ITFG1: variants seen among roughly 807,000 people sequenced by gnomAD.
The protein encoded by ITFG1 is T-cell immunomodulatory protein.
A neutral mutation model predicts 81.8 loss-of-function variants in ITFG1; 34 were observed. The observed-to-expected ratio is 0.42, with a 90% CI of 0.32 to 0.55. The LOEUF is 0.55. Among genes scored for constraint, ITFG1 ranks in the 20% least tolerant of loss-of-function variants. ITFG1 has a pLI of 0.17. For missense variants in ITFG1, 672 were observed against 755.4 expected (o/e 0.89, Z 1.29); for synonymous variants, 285 against 270.6 (o/e 1.05, Z -0.52).
intron 2 of ITFG1, among the ~76,000 whole-genome samples, chr16:47,458,059 G>C (rs1382038195): frequency 6.6e-6 from 1 of 152,202 alleles, no homozygotes; most frequent in Non-Finnish European, 1.5e-5. Flanking sequence ...TTCCTAAGTA[G>C]TCTTTAATCT....
At chr16:47,440,947 A>T (rs1294664548) in intron 5 of ITFG1, among the ~76,000 whole-genome samples, 1 of 152,336 alleles carries the variant, frequency 6.6e-6, no homozygotes, top group East Asian at 1.9e-4. Flanking sequence ...TAGCAAGACT[A>T]ATAAAGAAGA....
At chr16:47,207,095 T>A (rs960083100) in intron 14 of ITFG1, among the ~76,000 whole-genome samples, 2 of 152,366 alleles carry the variant, frequency 1.3e-5, no homozygotes, top group East Asian at 1.9e-4. Flanking sequence ...ATTTTATTTT[T>A]TTTTTGAGAC....
chr16:47,373,328 G>A (rs1463117364), intron 7 of ITFG1, among the ~76,000 whole-genome samples: 1 of 151,922 alleles, frequency 6.6e-6, no homozygotes, highest in Non-Finnish European at 1.5e-5. Flanking sequence ...TGTCGCCCAG[G>A]CTGGAGTGCA....
rs1965991598 is a variant in ITFG1, at chr16:47,245,614, T to C, written c.1331-7606A>G. Among the ~76,000 whole-genome samples the C allele has an allele frequency of 3.3e-5, 5 of 152,302 alleles. No homozygotes were observed. The South Asian group carries it at 1.0e-3, about 32-fold the overall frequency. On this transcript the variant is annotated intron_variant, in intron 12 of 17. Coordinates refer to ENST00000320640, the MANE Select transcript of ITFG1 (RefSeq NM_030790.5). ...CACATCTCTGACAATTTCCTTGGAA[T>C]AAATGTATAGAACAGAATTTCTGGG...
rs370897829 is a variant in ITFG1 at position 47,311,257 on chromosome 16, T to C, written c.1053A>G (p.Leu351=). ...TTCCTTACCTTCCAGATGTGTTCTTTAGTATGACCAGAGCGTCTGGATAGC... is the reference window on the plus strand; with the variant it reads ...TTCCTTACCTTCCAGATGTGTTCTTCAGTATGACCAGAGCGTCTGGATAGC... ...MDGYPDALVI[L]KNTSGSNQQA... The change falls in exon 10 of 18, where the codon CTA becomes CTG. Residue 351 remains leucine (L), a synonymous_variant. Coordinates refer to ENST00000320640, the MANE Select transcript of ITFG1 (RefSeq NM_030790.5). 2.5e-6 allele frequency: 4 copies of C among 1,608,122 alleles called. No homozygotes were observed. Among genetic ancestry groups the C allele is most frequent in the Non-Finnish European group, 3.4e-6 (4 of 1,177,236 alleles).
At chr16:47,290,280 C>T (rs992202002) in intron 10 of ITFG1, among the ~76,000 whole-genome samples, 2 of 152,084 alleles carry the variant, frequency 1.3e-5, no homozygotes, top group African/African-American at 2.4e-5. Context: ...AAGAATGTGC[C>T]TTCTCTAGCT....
chr16:47,382,224 T>A (rs1968404428), intron 6 of ITFG1, among the ~76,000 whole-genome samples: 1 of 152,184 alleles, frequency 6.6e-6, no homozygotes, highest in African/African-American at 2.4e-5. Flanking sequence ...CTGATAGAGA[T>A]GATTGCATTA....
chr16:47,183,198 G>T (rs887776714), intron 14 of ITFG1, among the ~76,000 whole-genome samples: 1 of 152,214 alleles, frequency 6.6e-6, no homozygotes, highest in African/African-American at 2.4e-5. Context: ...CAGCGAGGCT[G>T]GGGGAGGGGT....
intron 14 of ITFG1, among the ~76,000 whole-genome samples, chr16:47,165,219 A>T (rs1440389843): frequency 6.6e-6 from 1 of 152,196 alleles, no homozygotes; most frequent in Non-Finnish European, 1.5e-5. Context: ...AAGTTAATTA[A>T]TATATAAATA....
chr16:47,287,859 TA>T (rs1370793978), intron 10 of ITFG1, among the ~76,000 whole-genome samples: 2 of 152,336 alleles, frequency 1.3e-5, no homozygotes, highest in African/African-American at 2.4e-5. Flanking sequence ...ATTCACAGTT[TA>T]AGGTGAAAAG....
intron 7 of ITFG1, among the ~76,000 whole-genome samples, chr16:47,372,847 C>T (rs957826096): frequency 3.9e-5 from 6 of 152,130 alleles, no homozygotes; most frequent in Non-Finnish European, 8.8e-5. Flanking sequence ...TTGTCTATTT[C>T]CAACATTTCC....
At chr16:47,181,011 G>A (rs963920009) in intron 14 of ITFG1, among the ~76,000 whole-genome samples, 15 of 150,340 alleles carry the variant, frequency 1.0e-4, no homozygotes, top group Non-Finnish European at 2.2e-4. Context: ...TCTGGAAAGT[G>A]AGGAGCGTCT....
chr16:47,450,380 C>T (rs1157757842), intron 5 of ITFG1: 3 of 317,606 alleles, frequency 9.4e-6, no homozygotes, highest in Non-Finnish European at 1.8e-5. Context: ...GATCTCCCAT[C>T]CAAGCACTAA....
At chr16:47,404,786 G>T (rs1178807266) in intron 6 of ITFG1, among the ~76,000 whole-genome samples, 1 of 151,758 alleles carries the variant, frequency 6.6e-6, no homozygotes, top group Non-Finnish European at 1.5e-5. Context: ...CTTTAATTTT[G>T]TTCACTTGTA....
At chr16:47,227,200 A>T (rs1298062846) in intron 13 of ITFG1, among the ~76,000 whole-genome samples, 1 of 152,172 alleles carries the variant, frequency 6.6e-6, no homozygotes, top group Non-Finnish European at 1.5e-5. Context: ...ATGAATGTTT[A>T]CTACAAAATA....
chr16:47,424,419 A>T (rs1402934211), intron 6 of ITFG1, among the ~76,000 whole-genome samples: 2 of 152,166 alleles, frequency 1.3e-5, no homozygotes, highest in African/African-American at 4.8e-5. Flanking sequence ...CGATCTTCTG[A>T]AGCCTACTTC....
At chr16:47,461,091 G>C (rs962391752), upstream of ITFG1, 4 of 1,469,256 alleles carry the variant, frequency 2.7e-6, no homozygotes, top group Non-Finnish European at 3.6e-6. Flanking sequence ...CGCGCTTGAC[G>C]ACAGCCGCAA....
At chr16:47,420,586 G>A (rs546120539) in intron 6 of ITFG1, among the ~76,000 whole-genome samples, 106 of 152,276 alleles carry the variant, frequency 7.0e-4, no homozygotes, top group Non-Finnish European at 1.4e-3. Context: ...CCATCCTCAC[G>A]GTAATGATTG....
chr16:47,246,847 C>T (rs557556908), intron 12 of ITFG1, among the ~76,000 whole-genome samples: 10 of 152,264 alleles, frequency 6.6e-5, no homozygotes, highest in African/African-American at 1.7e-4. Context: ...CTGTTGCCCA[C>T]GCTGAAATGC....
Sources: allele counts gnomAD v4.1 joint callset (sites outside exome capture counted in the v4.1 genomes callset), GRCh38; gene constraint gnomAD v4.1.1; transcripts MANE v1.5; gene names NCBI Gene and HGNC (gene_info 2026-07-23, HGNC 2026-07-21).